The following LMX1A variants were observed in gnomAD, a reference collection of about 807,000 sequenced individuals.
LMX1A encodes the protein LIM homeobox transcription factor 1-alpha.
LMX1A carries 15 observed loss-of-function variants against 49.1 expected under a neutral mutation model. The ratio of observed to expected loss-of-function variants is 0.31; its 90% confidence interval spans 0.20 to 0.47. The LOEUF (loss-of-function observed/expected upper bound fraction) is 0.47, where lower values mean the gene tolerates loss of function less well. LMX1A is among the 20% of genes least tolerant of loss of function. The pLI is 1.00. For missense variants in LMX1A, 372 were observed against 475.8 expected, an observed-to-expected ratio of 0.78 and a Z score of 2.03; for synonymous variants, 167 against 185.7, an observed-to-expected ratio of 0.90 and a Z score of 0.82.
At chr1:165,280,753 A>C (rs1380153061) in intron 3 of LMX1A, among the ~76,000 whole-genome samples, 1 of 152,216 alleles carries the variant, frequency 6.6e-6, no homozygotes, top group African/African-American at 2.4e-5. Flanking sequence ...AAGCAGACTT[A>C]TATATCTGGG....
At chr1:165,278,974 G>A (rs900264928) in intron 3 of LMX1A, among the ~76,000 whole-genome samples, 2 of 152,194 alleles carry the variant, frequency 1.3e-5, no homozygotes, top group African/African-American at 4.8e-5. Context: ...GAGGGCACCA[G>A]GAAAGAGCTA....
At chr1:165,232,041 G>C (rs1354566598) in intron 4 of LMX1A, among the ~76,000 whole-genome samples, 1 of 152,192 alleles carries the variant, frequency 6.6e-6, no homozygotes, top group Non-Finnish European at 1.5e-5. Context: ...GTCCCACAAG[G>C]ATGTGCCATG....
chr1:165,247,548 T>C (rs1406906525), intron 4 of LMX1A, among the ~76,000 whole-genome samples: 1 of 152,144 alleles, frequency 6.6e-6, no homozygotes, highest in Non-Finnish European at 1.5e-5. Flanking sequence ...CAGGAAAACC[T>C]AAGGCCAATA....
At position 165,248,517 on chromosome 1, in the gene LMX1A, A is replaced by G. The variant is rs115870956; in HGVS notation, c.496+891T>C. Among the ~76,000 whole-genome samples the G allele has an allele frequency of 2.7e-3, 413 of 152,306 alleles. 2 individuals carry two copies. The highest frequency in any genetic ancestry group is 9.4e-3 in the African/African-American group (390 of 41,566). ...TGTTTAATGTAGTCAGTGTTAATTT[A>G]ATGTAATTTCTCTGACCTTGTGAAA... On this transcript the variant is annotated intron_variant, in intron 4 of 8. Transcript: ENST00000342310.
chr1:165,263,115 T>G (rs1337841753), intron 3 of LMX1A, among the ~76,000 whole-genome samples: 1 of 152,234 alleles, frequency 6.6e-6, no homozygotes, highest in African/African-American at 2.4e-5. Flanking sequence ...TTAGTTCTCT[T>G]CTTTATCTAT....
intron 3 of LMX1A, among the ~76,000 whole-genome samples, chr1:165,285,606 G>A (rs1490647591): frequency 3.3e-5 from 5 of 152,214 alleles, no homozygotes; most frequent in African/African-American, 7.2e-5. Context: ...TTATGAAAGA[G>A]CCTGAGGACC....
intron 3 of LMX1A, among the ~76,000 whole-genome samples, chr1:165,309,451 G>A (rs946522241): frequency 1.3e-5 from 2 of 152,164 alleles, no homozygotes; most frequent in African/African-American, 4.8e-5. Flanking sequence ...GAGACGCAAG[G>A]GCACCCTGTG....
chr1:165,227,154 T>C (rs1292903629), intron 4 of LMX1A, among the ~76,000 whole-genome samples: 1 of 152,040 alleles, frequency 6.6e-6, no homozygotes, highest in Non-Finnish European at 1.5e-5. Context: ...AAAGCAAAAA[T>C]ATTCTAGCAC....
intron 3 of LMX1A, among the ~76,000 whole-genome samples, chr1:165,349,299 C>T (rs1004233445): frequency 2.0e-4 from 31 of 152,212 alleles, no homozygotes; most frequent in Non-Finnish European, 5.9e-5. Flanking sequence ...AGGGAAAACT[C>T]CAAACTAACC....
At chr1:165,299,644 C>T (rs1004125702) in intron 3 of LMX1A, among the ~76,000 whole-genome samples, 4 of 151,948 alleles carry the variant, frequency 2.6e-5, no homozygotes, top group Non-Finnish European at 5.9e-5. Flanking sequence ...TACTGCAAAT[C>T]GACCATGAAG....
intron 4 of LMX1A, among the ~76,000 whole-genome samples, chr1:165,217,313 G>T (rs995577347): frequency 6.6e-6 from 1 of 152,112 alleles, no homozygotes; most frequent in East Asian, 1.9e-4. Flanking sequence ...TCCTACTGCT[G>T]TTGCTGTACT....
chr1:165,234,513 T>G (rs1652357536), intron 4 of LMX1A, among the ~76,000 whole-genome samples: 1 of 152,190 alleles, frequency 6.6e-6, no homozygotes, highest in South Asian at 2.1e-4. Flanking sequence ...CCTGGGGGTC[T>G]GGAAAAGAGA....
At chr1:165,261,392 A>G (rs1457377701) in intron 3 of LMX1A, among the ~76,000 whole-genome samples, 4 of 152,322 alleles carry the variant, frequency 2.6e-5, no homozygotes, top group African/African-American at 9.6e-5. Flanking sequence ...TAAGAAAATA[A>G]CAGGTGTTGG....
intron 3 of LMX1A, among the ~76,000 whole-genome samples, chr1:165,309,373 G>A (rs1379783274): frequency 6.6e-6 from 1 of 152,188 alleles, no homozygotes; most frequent in African/African-American, 2.4e-5. Context: ...GCCCCCAGTG[G>A]CAAAACTGAG....
At chr1:165,208,809 GCTAATTTT>G (rs1037890899) in intron 6 of LMX1A, among the ~76,000 whole-genome samples, 388 of 152,174 alleles carry the variant, frequency 2.5e-3, no homozygotes, top group Non-Finnish European at 4.7e-3. Flanking sequence ...ACTACGCCTG[GCTAATTTT>G]TTTGTATTTT....
Position 165,355,560 on chromosome 1 carries a change from G to C in LMX1A, c.-1C>G. On this transcript the variant is annotated 5_prime_UTR_variant, in exon 2 of 9. Coordinates refer to ENST00000342310, the MANE Select transcript of LMX1A (RefSeq NM_177398.4). The surrounding 1 kb of genome is among the most constrained non-coding windows in gnomAD (Gnocchi z 4.7). ...CCTCCATCTTTAGGCCGTCCAGCATGTTCGGGCCGGGCCGGGAGGACCTGT... is the reference window on the plus strand; with the variant it reads ...CCTCCATCTTTAGGCCGTCCAGCATCTTCGGGCCGGGCCGGGAGGACCTGT... 1 of 1,613,708 alleles carries C rather than the reference G, an allele frequency of 6.2e-7. No homozygotes were observed. Among genetic ancestry groups the C allele is most frequent in the Non-Finnish European group, 8.5e-7 (1 of 1,179,874 alleles).
chr1:165,237,585 C>A (rs1386370380), intron 4 of LMX1A, among the ~76,000 whole-genome samples: 1 of 152,034 alleles, frequency 6.6e-6, no homozygotes, highest in East Asian at 1.9e-4. Context: ...AAAAACAAAA[C>A]AAAACAAAAA....
At chr1:165,310,405 T>C (rs11808645) in intron 3 of LMX1A, among the ~76,000 whole-genome samples, 36,233 of 152,128 alleles carry the variant, frequency 0.24, 5,141 homozygotes, top group African/African-American at 0.39. Context: ...TCTTTGTGTT[T>C]TTAATAGAAA....
chr1:165,291,611 T>C (rs1654467937), intron 3 of LMX1A, among the ~76,000 whole-genome samples: 1 of 152,252 alleles, frequency 6.6e-6, no homozygotes, highest in Non-Finnish European at 1.5e-5. Context: ...GTTTAAAACT[T>C]TGTGATTCAT....
Sources: gnomAD v4.1 joint callset for allele counts (sites outside exome capture counted in the v4.1 genomes callset) on GRCh38, gnomAD v4.1.1 for gene constraint, Gnocchi (gnomAD v3.1) non-coding constraint, MANE v1.5 for transcripts, NCBI Gene and HGNC (gene_info 2026-07-23, HGNC 2026-07-21) for gene names.